Variants in UGT1A6 observed in about 807,000 individuals in gnomAD.
UGT1A6 encodes the protein UDP glucuronosyltransferase family 1 member A6, also known as UDP-glucuronosyltransferase 1A6.
A neutral mutation model predicts 44.4 loss-of-function variants in UGT1A6; 32 were observed. The observed-to-expected ratio is 0.72, with a 90% CI of 0.54 to 0.97. The LOEUF is 0.97. Ranked by LOEUF, UGT1A6 falls within the 50% of genes least tolerant of loss-of-function variation. UGT1A6 has a pLI of 0.00. For missense variants in UGT1A6, 685 were observed against 661.9 expected (o/e 1.03, Z -0.38); for synonymous variants, 238 against 248.5 (o/e 0.96, Z 0.40).
At chr2:233,744,570 G>A (rs1351867033) in intron 1 of UGT1A6, among the ~76,000 whole-genome samples, 1 of 151,848 alleles carries the variant, frequency 6.6e-6, no homozygotes, top group Non-Finnish European at 1.5e-5. Flanking sequence ...TGAGAAGAGT[G>A]GCATCGTTTT....
At position 233,747,921 on chromosome 2, in the gene UGT1A6, G is replaced by A. The variant is rs1693813476; in HGVS notation, c.862-19113G>A. The A allele has an allele frequency of 2.2e-5, 36 of 1,613,276 alleles. 2 individuals are homozygous for A. The South Asian group carries it at 4.0e-4, about 18-fold the overall frequency. ...TGCTCCTTATGCAAGCCTTGCCTCT[G>A]AGCTTTTTCAGAGGGAGGTGTCAGT... On this transcript the variant is annotated intron_variant, in intron 1 of 4. Coordinates refer to ENST00000305139, the MANE Select transcript of UGT1A6 (RefSeq NM_001072.4).
chr2:233,717,406 G>A (rs1313287999), intron 1 of UGT1A6, among the ~76,000 whole-genome samples: 2 of 152,170 alleles, frequency 1.3e-5, no homozygotes, highest in African/African-American at 4.8e-5. Flanking sequence ...TCCTGCATAT[G>A]CCTCCCTTGA....
chr2:233,693,707 G>T lies in UGT1A6; in HGVS notation c.703G>T (p.Ala235Ser), dbSNP rs199908505. ...TTCAAAGTATGAAGAACTCGCATCA[G>T]CTGTCCTCAAGAGAGATGTGGATAT... ...LFSKYEELAS[A>S]VLKRDVDIIT... is the part of the protein sequence containing the mutation. The change falls in exon 1 of 5, where the codon GCT becomes TCT. Residue 235 changes from alanine to serine, a missense_variant. Physicochemically the swap from Ala to Ser is moderately conservative, Grantham distance 99. Transcript: ENST00000305139. 1 of 1,614,202 alleles carries T rather than the reference G, an allele frequency of 6.2e-7. No homozygotes were observed. The highest frequency in any genetic ancestry group is 8.5e-7 in the Non-Finnish European group (1 of 1,180,048).
intron 1 of UGT1A6, among the ~76,000 whole-genome samples, chr2:233,695,491 T>C (rs2075292104): frequency 6.6e-6 from 1 of 152,018 alleles, no homozygotes; most frequent in South Asian, 2.1e-4. Context: ...CTCTTTTCTA[T>C]CAAAGTTTTT....
rs192915169 is a variant in UGT1A6, at chr2:233,741,002, A to C, written c.862-26032A>C. ...CTGGGAATGCTGAGGAGGAAGGATC[A>C]CTTGAGCCCAGGAATTCGTGGTTAC... is the stretch of plus-strand genomic sequence containing the variant. On this transcript the variant is annotated intron_variant, in intron 1 of 4. Transcript: ENST00000305139. The C allele has an allele frequency of 3.0e-4, 45 of 151,886 alleles. 2 individuals are homozygous for C. The highest frequency in any genetic ancestry group is 1.0e-3 in the African/African-American group (41 of 41,190). 9.4% of individuals were successfully genotyped at this position (151,886 alleles called of 1,614,324 possible). A position where few individuals can be genotyped will look rare whatever the true frequency, so the allele number is the denominator to read the frequency against.
chr2:233,715,654 C>G, intron 1 of UGT1A6, among the ~76,000 whole-genome samples: 1 of 152,044 alleles, frequency 6.6e-6, no homozygotes, highest in East Asian at 1.9e-4. Context: ...CACCTGTGGT[C>G]CCAGCTACTC....
chr2:233,729,371 T>C, intron 1 of UGT1A6: 2 of 1,614,096 alleles, frequency 1.2e-6, no homozygotes, highest in Non-Finnish European at 8.5e-7. Flanking sequence ...ACCTATGCCA[T>C]TTCGTGGACC....
chr2:233,759,141 G>A (rs766249806), intron 1 of UGT1A6, among the ~76,000 whole-genome samples: 1 of 152,222 alleles, frequency 6.6e-6, no homozygotes, highest in Non-Finnish European at 1.5e-5. Context: ...CGCAATGAAG[G>A]TGAGTTCCAC....
chr2:233,766,494 G>T (rs1250106940), intron 1 of UGT1A6, among the ~76,000 whole-genome samples: 2 of 152,182 alleles, frequency 1.3e-5, no homozygotes, highest in Non-Finnish European at 2.9e-5. Flanking sequence ...GGCGTGGCAG[G>T]CCAGGGTGGT....
At chr2:233,743,773 C>CT in intron 1 of UGT1A6, 1 of 1,367,366 alleles carries the variant, frequency 7.3e-7, no homozygotes, top group Non-Finnish European at 9.8e-7. Flanking sequence ...CCTCGGCCAC[C>CT]TGCTTGAATC....
rs1379096490 is a variant in UGT1A6 at position 233,719,774 on chromosome 2, C to T, written c.861+25909C>T. ...TTACTTACAAGTGCTTCCATATCTA[C>T]TTATCTTTCCAAAGATTTTATTTTG... On this transcript the variant is annotated intron_variant, in intron 1 of 4. Coordinates refer to ENST00000305139, the MANE Select transcript of UGT1A6 (RefSeq NM_001072.4). 23 of 1,611,342 alleles carry T rather than the reference C, an allele frequency of 1.4e-5. No individual in the cohort carries two copies. The Admixed American group carries it at 3.8e-4, about 27-fold the overall frequency.
chr2:233,724,319 G>A (rs1167591289), intron 1 of UGT1A6, among the ~76,000 whole-genome samples: 25 of 143,274 alleles, frequency 1.7e-4, no homozygotes, highest in African/African-American at 3.9e-4. Context: ...CGGACGGGGC[G>A]GCTGGCCAGG....
intron 1 of UGT1A6, among the ~76,000 whole-genome samples, chr2:233,716,553 T>C (rs1004313369): frequency 1.3e-5 from 2 of 152,344 alleles, no homozygotes; most frequent in Middle Eastern, 3.4e-3. Flanking sequence ...CTTATATTCC[T>C]TTTTTCATTT....
intron 1 of UGT1A6, among the ~76,000 whole-genome samples, chr2:233,728,063 G>A (rs1347092156): frequency 6.6e-6 from 1 of 152,218 alleles, no homozygotes; most frequent in African/African-American, 2.4e-5. Flanking sequence ...TGAGGCCCTT[G>A]TGAGTGCTCA....
chr2:233,760,943 A>G (rs1487587152), intron 1 of UGT1A6: 1 of 1,614,220 alleles, frequency 6.2e-7, no homozygotes, highest in South Asian at 1.1e-5. Context: ...GCCTTTTCAC[A>G]GAACTTTCTG....
At position 233,767,873 on chromosome 2, in the gene UGT1A6, C is replaced by T. The variant is rs72551349; in HGVS notation, c.1018C>T (p.Arg340Ter). 2.0e-5 allele frequency: 32 copies of T among 1,614,038 alleles called. No homozygotes were observed. Among genetic ancestry groups the T allele is most frequent in the South Asian group, 1.5e-4 (14 of 91,082 alleles). The change falls in exon 3 of 5, where the codon CGA becomes TGA. Residue 340 changes from arginine (R) to a stop codon, truncating the protein, a stop_gained. Transcript: ENST00000305139. LOFTEE classifies it high-confidence loss of function. Reference sequence around the variant, plus strand: ...GGTCCTGTGGCGGTACACTGGAACCCGACCATCGAATCTTGCGAACAACAC... The same window carrying T: ...GGTCCTGTGGCGGTACACTGGAACCTGACCATCGAATCTTGCGAACAACAC... ...QTVLWRYTGT[R>*]PSNLANNTIL...
intron 1 of UGT1A6, chr2:233,719,040 T>C (rs1243491139): frequency 6.2e-7 from 1 of 1,614,170 alleles, no homozygotes; most frequent in South Asian, 1.1e-5. Flanking sequence ...AGAAGAGAAA[T>C]TTTTCACCCT....
intron 1 of UGT1A6, among the ~76,000 whole-genome samples, chr2:233,763,329 T>C (rs752568926): frequency 2.0e-5 from 3 of 152,234 alleles, no homozygotes; most frequent in Non-Finnish European, 2.9e-5. Flanking sequence ...ATTATTTTTG[T>C]TTACATTTCC....
intron 1 of UGT1A6, chr2:233,755,175 G>T: frequency 8.0e-7 from 1 of 1,245,528 alleles, no homozygotes; most frequent in Non-Finnish European, 1.1e-6. Context: ...GTTTTTGTCG[G>T]GGTGCCACTT....
Sources: gnomAD v4.1 joint callset for allele counts (sites outside exome capture counted in the v4.1 genomes callset) on GRCh38, gnomAD v4.1.1 for gene constraint, MANE v1.5 for transcripts, NCBI Gene and HGNC (gene_info 2026-07-23, HGNC 2026-07-21) for gene names.